TMEM182: variants seen among roughly 807,000 people sequenced by gnomAD.
The protein encoded by TMEM182 is transmembrane protein 182.
Under a neutral mutation model 26.8 loss-of-function variants are expected in TMEM182, and 20 were observed. That is an observed-to-expected ratio of 0.75 (90% CI 0.53 to 1.09). The LOEUF (loss-of-function observed/expected upper bound fraction) is 1.09, where lower values mean the gene tolerates loss of function less well. TMEM182 is among the 50% of genes least tolerant of loss of function. The pLI is 0.00. For synonymous variants in TMEM182, 109 were observed against 102.2 expected (o/e 1.07, Z -0.40); for missense variants, 277 against 275.5 (o/e 1.01, Z -0.04).
chr2:102,751,212 CG>C (rs1255528074), intron 1 of TMEM182, among the ~76,000 whole-genome samples: 1 of 152,036 alleles, frequency 6.6e-6, no homozygotes, highest in Non-Finnish European at 1.5e-5. Context: ...GTGGGTCTTC[CG>C]GCCCACTACG....
chr2:102,811,642 A>G (rs1682558887), intron 4 of TMEM182, among the ~76,000 whole-genome samples: 1 of 152,132 alleles, frequency 6.6e-6, no homozygotes, highest in African/African-American at 2.4e-5. Flanking sequence ...CTATTCATTT[A>G]TTCACTCATT....
chr2:102,764,366 C>T lies in TMEM182; in HGVS notation c.270C>T (p.Tyr90=). 1 of 1,613,966 alleles carries T rather than the reference C, an allele frequency of 6.2e-7. No homozygotes were observed. The highest frequency in any genetic ancestry group is 8.5e-7 in the Non-Finnish European group (1 of 1,179,910). Residue 90 remains tyrosine, a synonymous_variant, in exon 3 of 5, where the codon TAC becomes TAT. Transcript: ENST00000412401. The part of the protein sequence containing the change: ...QPPSKNCTHA[Y]LSPYPFMRGE... ...CGTCCAAGAACTGCACACATGCTTA[C>T]CTGTCTCCGTACCCCTTCATGAGAG...
chr2:102,754,171 A>T (rs1444320348), intron 1 of TMEM182, among the ~76,000 whole-genome samples: 3 of 152,168 alleles, frequency 2.0e-5, no homozygotes, highest in African/African-American at 7.2e-5. Context: ...TGTGTCTAGG[A>T]TGATGGGCCA....
downstream of TMEM182, among the ~76,000 whole-genome samples, chr2:102,821,205 A>G (rs1482394334): frequency 6.6e-6 from 1 of 152,168 alleles, no homozygotes; most frequent in Non-Finnish European, 1.5e-5. Flanking sequence ...TTCATAATTG[A>G]AATCTTTAAA....
intron 4 of TMEM182, among the ~76,000 whole-genome samples, chr2:102,804,601 C>A (rs537174408): frequency 8.5e-5 from 13 of 152,216 alleles, no homozygotes; most frequent in Non-Finnish European, 1.9e-4. Context: ...TTTTTAAAAG[C>A]TTCTCTGACT....
chr2:102,806,098 C>G (rs1384915880), intron 4 of TMEM182, among the ~76,000 whole-genome samples: 1 of 152,096 alleles, frequency 6.6e-6, no homozygotes, highest in East Asian at 1.9e-4. Flanking sequence ...CCATCCTATC[C>G]CCCAAATAGT....
At chr2:102,792,063 C>CAA (rs2104716922) in intron 3 of TMEM182, among the ~76,000 whole-genome samples, 1 of 151,296 alleles carries the variant, frequency 6.6e-6, no homozygotes, top group South Asian at 2.1e-4. Flanking sequence ...CACACACACA[C>CAA]ACACACACAT....
chr2:102,820,712 G>T (rs559738089), downstream of TMEM182, among the ~76,000 whole-genome samples: 2 of 152,330 alleles, frequency 1.3e-5, no homozygotes, highest in East Asian at 3.9e-4. Context: ...AAGGCAGCTT[G>T]TGTGGCTGGC....
intron 1 of TMEM182, among the ~76,000 whole-genome samples, chr2:102,750,450 C>T (rs1485633359): frequency 1.3e-5 from 2 of 152,194 alleles, no homozygotes; most frequent in African/African-American, 4.8e-5. Context: ...CCATCTGAGT[C>T]TTCCTTAAAG....
chr2:102,792,431 A>T (rs1681688678), intron 3 of TMEM182, among the ~76,000 whole-genome samples: 3 of 152,186 alleles, frequency 2.0e-5, no homozygotes, highest in Admixed American at 6.5e-5. Context: ...AGAAGCTCCC[A>T]TATCATGTTT....
exon 1 of TMEM182, chr2:102,736,986 G>C: frequency 1.5e-6 from 1 of 653,240 alleles, no homozygotes; most frequent in South Asian, 2.0e-5. Context: ...TCTCAGGCAA[G>C]GTGGGGACTG....
intron 3 of TMEM182, among the ~76,000 whole-genome samples, chr2:102,778,296 G>C (rs1681014485): frequency 6.6e-6 from 1 of 151,738 alleles, no homozygotes; most frequent in Non-Finnish European, 1.5e-5. Context: ...AAGTCTTCTT[G>C]ATCTTATATT....
chr2:102,829,392 A>G (rs928639409), intron 3 of TMEM182, among the ~76,000 whole-genome samples: 3 of 152,200 alleles, frequency 2.0e-5, no homozygotes, highest in Admixed American at 6.5e-5. Context: ...GTTATGACCT[A>G]TAGCCAATGG....
At chr2:102,794,415 T>C (rs1289990486) in intron 3 of TMEM182, among the ~76,000 whole-genome samples, 1 of 152,262 alleles carries the variant, frequency 6.6e-6, no homozygotes, top group African/African-American at 2.4e-5. Flanking sequence ...CCTCTGTTTC[T>C]GAAGTTTAAC....
At chr2:102,759,735 GT>G (rs1295436995), upstream of TMEM182, among the ~76,000 whole-genome samples, 3 of 152,152 alleles carry the variant, frequency 2.0e-5, no homozygotes, top group Admixed American at 1.3e-4. Context: ...GCTCAAATTT[GT>G]GGACAGGGCT....
chr2:102,755,097 G>T (rs1016985012), intron 1 of TMEM182, among the ~76,000 whole-genome samples: 1 of 152,040 alleles, frequency 6.6e-6, no homozygotes, highest in Admixed American at 6.5e-5. Flanking sequence ...AGTGAATAGA[G>T]ACCCTAAAAG....
intron 1 of TMEM182, among the ~76,000 whole-genome samples, chr2:102,753,995 G>T (rs1443287858): frequency 1.3e-5 from 2 of 152,272 alleles, no homozygotes; most frequent in East Asian, 3.9e-4. Context: ...GGGTAAAGGA[G>T]GTAGTAGAGA....
At chr2:102,822,568 CAGG>C (rs986582974), downstream of TMEM182, among the ~76,000 whole-genome samples, 1 of 151,996 alleles carries the variant, frequency 6.6e-6, no homozygotes, top group African/African-American at 2.4e-5. Context: ...AAAGAGTTAA[CAGG>C]AGGTAAGAGA....
At chr2:102,778,039 G>A (rs1378124646) in intron 3 of TMEM182, among the ~76,000 whole-genome samples, 3 of 152,034 alleles carry the variant, frequency 2.0e-5, no homozygotes, top group East Asian at 1.9e-4. Context: ...TGATGATGAT[G>A]TCTAGTTTTT....
Sources: allele counts gnomAD v4.1 joint callset (sites outside exome capture counted in the v4.1 genomes callset), GRCh38; gene constraint gnomAD v4.1.1; transcripts MANE v1.5; gene names NCBI Gene and HGNC (gene_info 2026-07-23, HGNC 2026-07-21).